Variants in AKAP9 observed in about 807,000 individuals in gnomAD.
The protein encoded by AKAP9 is A-kinase anchor protein 9.
AKAP9 carries 311 observed loss-of-function variants against 488.5 expected under a neutral mutation model. The ratio of observed to expected loss-of-function variants is 0.64; its 90% confidence interval spans 0.58 to 0.70. The LOEUF (loss-of-function observed/expected upper bound fraction) is 0.70. Among genes scored for constraint, AKAP9 ranks in the 30% least tolerant of loss-of-function variants. The pLI is 0.00. For synonymous variants in AKAP9, 1,462 were observed against 1,483.5 expected, an observed-to-expected ratio of 0.99 and a Z score of 0.33; for missense variants, 4,215 against 4,374.5, an observed-to-expected ratio of 0.96 and a Z score of 1.03.
intron 42 of AKAP9, 119 bp from the exon 43 acceptor site, chr7:92,097,990 C>A: frequency 1.1e-6 from 1 of 871,996 alleles, no homozygotes. Flanking sequence ...GGGAAGAAAG[C>A]ATGGGATATA....
chr7:92,110,378 ATATTTGTGGAATGC>A lies in AKAP9; in HGVS notation c.*222_*235del. 1.8e-6 allele frequency: 1 copy of A among 546,542 alleles called. No individual in the cohort carries two copies. The highest frequency in any genetic ancestry group is 1.9e-5 in the African/African-American group (1 of 52,750). 33.9% of individuals were successfully genotyped at this position (546,542 alleles called of 1,614,324 possible). A position where few individuals can be genotyped will look rare whatever the true frequency, so the allele number is the denominator to read the frequency against. On this transcript the variant is annotated 3_prime_UTR_variant, in exon 50 of 50. Coordinates refer to ENST00000356239, the MANE Select transcript of AKAP9 (RefSeq NM_005751.5). Reference sequence around the variant, plus strand: ...GCACAATAATTATTGAATTACCTGTATATTTGTGGAATGCTAATTTAAAACATTAAATTATAAAC... The same window carrying A: ...GCACAATAATTATTGAATTACCTGTATAATTTAAAACATTAAATTATAAAC...
intron 22 of AKAP9, among the ~76,000 whole-genome samples, chr7:92,060,425 T>G (rs926234578): frequency 2.6e-5 from 4 of 152,142 alleles, no homozygotes; most frequent in Non-Finnish European, 5.9e-5. Flanking sequence ...TGTAATTGTT[T>G]CAGTAATAAC....
At chr7:92,045,643 G>A (rs1222475469) in intron 21 of AKAP9, among the ~76,000 whole-genome samples, 1 of 152,056 alleles carries the variant, frequency 6.6e-6, no homozygotes, top group Admixed American at 6.6e-5. Context: ...AGAAAGTCTT[G>A]ATAAGAAACC....
In AKAP9 at chr7:92,110,490, G is replaced by A. The variant is rs1015931347; in HGVS notation, c.*331G>A. The A allele has an allele frequency of 1.1e-5, 4 of 349,338 alleles. No individual in the cohort carries two copies. Among genetic ancestry groups the A allele is most frequent in the Non-Finnish European group, 2.1e-5 (4 of 188,634 alleles). 21.6% of individuals were successfully genotyped at this position (349,338 alleles called of 1,614,324 possible). A position where few individuals can be genotyped will look rare whatever the true frequency, so the allele number is the denominator to read the frequency against. On this transcript the variant is annotated 3_prime_UTR_variant, in exon 50 of 50. Transcript: ENST00000356239. ...CAATACTGCTGAATGTGTAGCTCGA[G>A]GTGTCCTGCACTTTTCTTATAAGGC...
intron 10 of AKAP9, 133 bp from the exon 11 acceptor site, chr7:92,015,996 A>AT (rs1801460512): frequency 1.5e-6 from 1 of 663,038 alleles, no homozygotes; most frequent in African/African-American, 1.8e-5. Context: ...TGATAAGGGT[A>AT]TGGAGAGAAT....
At chr7:92,022,676 A>G in intron 13 of AKAP9, 138 bp from the exon 14 acceptor site, 1 of 660,652 alleles carries the variant, frequency 1.5e-6, no homozygotes, top group Non-Finnish European at 2.6e-6. Context: ...GAATGAGTTT[A>G]AATTGAAACC....
chr7:92,003,546 G>C (rs1225284668), intron 8 of AKAP9, among the ~76,000 whole-genome samples: 1 of 151,850 alleles, frequency 6.6e-6, no homozygotes, highest in Non-Finnish European at 1.5e-5. Flanking sequence ...CATTAGAAAA[G>C]TTATTAATTT....
intron 22 of AKAP9, among the ~76,000 whole-genome samples, chr7:92,054,907 A>G (rs1189400130): frequency 1.3e-5 from 2 of 152,026 alleles, no homozygotes; most frequent in Non-Finnish European, 2.9e-5. Flanking sequence ...ATCCTTATTC[A>G]GTAGTCTCTT....
intron 33 of AKAP9, among the ~76,000 whole-genome samples, 190 bp from the exon 34 acceptor site, chr7:92,084,450 G>A (rs1180279193): frequency 1.3e-5 from 2 of 150,750 alleles, no homozygotes; most frequent in Non-Finnish European, 2.9e-5. Flanking sequence ...TAATTCATGA[G>A]TATCTCTTCT....
At chr7:92,032,078 G>A (rs1804350863) in intron 16 of AKAP9, among the ~76,000 whole-genome samples, 1 of 152,174 alleles carries the variant, frequency 6.6e-6, no homozygotes. Context: ...GCTCATCTCT[G>A]TATGCTTATC....
chr7:92,041,952 G>A (rs1806180719), intron 18 of AKAP9, 94 bp from the exon 19 acceptor site: 1 of 1,363,838 alleles, frequency 7.3e-7, no homozygotes, highest in Non-Finnish European at 1.0e-6. Context: ...ACCAGGGCCT[G>A]TTGGTCCCGG....
rs1230449805 is a variant in AKAP9 at position 92,004,092 on chromosome 7, A to G, written c.3318+857A>G. 2.0e-5 allele frequency among the ~76,000 whole-genome samples: 3 copies of G among 152,336 alleles called. No individual in the cohort carries two copies. In the East Asian group the frequency reaches 5.8e-4, roughly 29 times the overall value. The stretch of plus-strand genomic sequence containing the variant: ...AAATAGTGATAAATTCTCTGAAGAA[A>G]TAAAACAGGATAATGTGATAGGGAA... On this transcript the variant is annotated intron_variant, in intron 8 of 49. Coordinates refer to ENST00000356239, the MANE Select transcript of AKAP9 (RefSeq NM_005751.5).
At chr7:92,088,239 G>T (rs761080480) in intron 37 of AKAP9, among the ~76,000 whole-genome samples, 9 of 152,152 alleles carry the variant, frequency 5.9e-5, no homozygotes, top group Non-Finnish European at 1.3e-4. Context: ...AATGTGAAGG[G>T]CACGATGCCA....
intron 16 of AKAP9, 46 bp downstream of exon 16, chr7:92,031,650 T>C (rs1486613496): frequency 1.4e-6 from 2 of 1,382,400 alleles, no homozygotes; most frequent in Non-Finnish European, 2.1e-6. Flanking sequence ...TTATATTCCC[T>C]TTGAGCCTTC....
In AKAP9 at chr7:92,062,335, T is replaced by C; in HGVS notation, c.5826T>C (p.Thr1942=). ...TTGAAAGGCAAATTCAGGAAAAAAC[T>C]GATATAATAGATCGTCTTGAGCAGG... ...TLFERQIQEK[T]DIIDRLEQEL... is the part of the protein sequence containing the mutation. Residue 1942 remains threonine, a synonymous_variant, in exon 24 of 50, where the codon ACT becomes ACC. Coordinates refer to ENST00000356239, the MANE Select transcript of AKAP9 (RefSeq NM_005751.5). 1.2e-6 allele frequency: 2 copies of C among 1,613,864 alleles called. No individual in the cohort carries two copies. Among genetic ancestry groups the C allele is most frequent in the Non-Finnish European group, 1.7e-6 (2 of 1,179,812 alleles).
At chr7:91,954,503 A>G (rs980174359) in intron 1 of AKAP9, among the ~76,000 whole-genome samples, 1 of 152,228 alleles carries the variant, frequency 6.6e-6, no homozygotes, top group Non-Finnish European at 1.5e-5. Context: ...CCTGGACTCA[A>G]GTGATCCTCC....
At chr7:92,017,769 A>C (rs1293009367) in intron 12 of AKAP9, among the ~76,000 whole-genome samples, 1 of 152,124 alleles carries the variant, frequency 6.6e-6, no homozygotes, top group Non-Finnish European at 1.5e-5. Context: ...TTTGGCTGAA[A>C]TTCTTCCTCT....
intron 2 of AKAP9, among the ~76,000 whole-genome samples, chr7:91,977,546 A>T (rs1795862721): frequency 6.6e-6 from 1 of 152,144 alleles, no homozygotes; most frequent in African/African-American, 2.4e-5. Context: ...ACAGAGCGAG[A>T]CTCCGTCTCA....
rs147650965 is a variant in AKAP9, at chr7:92,058,759, C to T, written c.5602-2501C>T. Among the ~76,000 whole-genome samples, 6 of 152,058 alleles carry T rather than the reference C, an allele frequency of 3.9e-5. No homozygotes were observed. The East Asian group carries it at 9.6e-4, about 24-fold the overall frequency. ...ACTCGGTATTATGATACTTATAAGACAGCTAAGTGAATTGTCATTGAGCAA... is the reference window on the plus strand; with the variant it reads ...ACTCGGTATTATGATACTTATAAGATAGCTAAGTGAATTGTCATTGAGCAA... On this transcript the variant is annotated intron_variant, in intron 22 of 49. Transcript: ENST00000356239.
Sources: allele counts gnomAD v4.1 joint callset (sites outside exome capture counted in the v4.1 genomes callset), GRCh38; gene constraint gnomAD v4.1.1; transcripts MANE v1.5; gene names NCBI Gene and HGNC (gene_info 2026-07-23, HGNC 2026-07-21).